The following CADM2 variants were observed in gnomAD, a reference collection of about 807,000 sequenced individuals.
The protein encoded by CADM2 is immunoglobulin superfamily member 4D.
A neutral mutation model predicts 49.8 loss-of-function variants in CADM2; 12 were observed. The observed-to-expected ratio is 0.24, with a 90% CI of 0.15 to 0.39. The LOEUF is 0.39. CADM2 is among the 10% of genes least tolerant of loss of function. CADM2 has a pLI of 1.00. For missense variants in CADM2, 378 were observed against 492.3 expected (o/e 0.77, Z 2.20); for synonymous variants, 214 against 175.4 (o/e 1.22, Z -1.74).
chr3:85,892,576 T>C (rs1714607044), intron 5 of CADM2, among the ~76,000 whole-genome samples: 1 of 152,166 alleles, frequency 6.6e-6, no homozygotes, highest in Non-Finnish European at 1.5e-5. Context: ...ACACGCTCTC[T>C]TGCCTGCCAC....
intron 1 of CADM2, among the ~76,000 whole-genome samples, chr3:85,395,322 G>T (rs201643451): frequency 7.3e-6 from 1 of 137,672 alleles, no homozygotes; most frequent in Non-Finnish European, 1.6e-5. Flanking sequence ...AAAAAGGAAA[G>T]AAAAAGAAGG....
chr3:85,904,063 C>A (rs1393191506), intron 5 of CADM2, among the ~76,000 whole-genome samples: 2 of 152,122 alleles, frequency 1.3e-5, no homozygotes, highest in African/African-American at 4.8e-5. Flanking sequence ...TACTTGCTTT[C>A]TTCCAAAGTC....
chr3:85,487,763 TGTGTGCGTGC>T (rs2039490848), intron 1 of CADM2, among the ~76,000 whole-genome samples: 1 of 151,662 alleles, frequency 6.6e-6, no homozygotes, highest in Admixed American at 6.6e-5. Flanking sequence ...TGTGCGTGTG[TGTGTGCGTGC>T]GTGTGTGTGT....
chr3:85,961,486 G>T lies in CADM2; in HGVS notation c.809G>T (p.Trp270Leu). 1 of 1,601,576 alleles carries T rather than the reference G, an allele frequency of 6.2e-7. No individual in the cohort carries two copies. Among genetic ancestry groups the T allele is most frequent in the Non-Finnish European group, 8.5e-7 (1 of 1,171,134 alleles). Reference protein sequence around the residue: ...KGKPLPEPVLWTKDGGELPDP... With the variant: ...KGKPLPEPVLLTKDGGELPDP... ...TCCAATAGGCCAGAACCTGTTTTGTGGACAAAGGATGGCGGAGAATTACCA... is the reference window on the plus strand; with the variant it reads ...TCCAATAGGCCAGAACCTGTTTTGTTGACAAAGGATGGCGGAGAATTACCA... Residue 270 changes from tryptophan to leucine, a missense_variant, in exon 8 of 10, where the codon TGG (tryptophan) becomes TTG (leucine). Coordinates refer to ENST00000383699, the MANE Select transcript of CADM2 (RefSeq NM_001167675.2).
At chr3:85,471,660 G>A (rs189413975) in intron 1 of CADM2, among the ~76,000 whole-genome samples, 23 of 143,182 alleles carry the variant, frequency 1.6e-4, no homozygotes, top group Non-Finnish European at 1.4e-4. Context: ...ATCTAACTGC[G>A]TTTGTTTTTC....
At chr3:84,992,573 G>C (rs1375268002) in intron 1 of CADM2, among the ~76,000 whole-genome samples, 1 of 152,066 alleles carries the variant, frequency 6.6e-6, no homozygotes, top group Non-Finnish European at 1.5e-5. Context: ...AGGTTGCAGT[G>C]AGCCGAGATC....
chr3:85,076,919 A>C (rs13074075), intron 1 of CADM2, among the ~76,000 whole-genome samples: 57,194 of 151,966 alleles, frequency 0.38, 13,589 homozygotes, highest in Non-Finnish European at 0.54. Flanking sequence ...TTGCAGTGAG[A>C]CAAGATTGTG....
intron 3 of CADM2, among the ~76,000 whole-genome samples, chr3:85,877,367 G>A (rs770591408): frequency 3.3e-5 from 5 of 151,876 alleles, no homozygotes; most frequent in Non-Finnish European, 7.4e-5. Flanking sequence ...TTTATATTCT[G>A]TGTCCTCAAA....
chr3:85,355,401 G>C (rs565146052), intron 1 of CADM2, among the ~76,000 whole-genome samples: 3 of 152,070 alleles, frequency 2.0e-5, no homozygotes, highest in Non-Finnish European at 4.4e-5. Flanking sequence ...GGTTACTCTA[G>C]GTCCCCTTGG....
chr3:85,488,540 G>A (rs1481257429), intron 1 of CADM2, among the ~76,000 whole-genome samples: 1 of 151,744 alleles, frequency 6.6e-6, no homozygotes, highest in African/African-American at 2.4e-5. Context: ...GTTTTGTTTT[G>A]TTTTTGTTTT....
intron 1 of CADM2, among the ~76,000 whole-genome samples, chr3:85,549,866 G>C (rs1165134939): frequency 6.6e-6 from 1 of 150,532 alleles, no homozygotes; most frequent in Non-Finnish European, 1.5e-5. Flanking sequence ...TCCTGGCCAC[G>C]AGTGATTTGC....
At chr3:85,436,146 T>C (rs1018457594) in intron 1 of CADM2, among the ~76,000 whole-genome samples, 2 of 152,164 alleles carry the variant, frequency 1.3e-5, no homozygotes, top group African/African-American at 4.8e-5. Flanking sequence ...ACATCCCTTG[T>C]AAGTTGGATT....
intron 1 of CADM2, among the ~76,000 whole-genome samples, chr3:85,277,872 C>T (rs1037153227): frequency 2.6e-5 from 4 of 151,322 alleles, no homozygotes; most frequent in Non-Finnish European, 4.4e-5. Context: ...ACAAATAACT[C>T]TGAATCTAAA....
chr3:85,826,146 A>G (rs2073897846), intron 3 of CADM2, among the ~76,000 whole-genome samples: 1 of 152,028 alleles, frequency 6.6e-6, no homozygotes, highest in Non-Finnish European at 1.5e-5. Flanking sequence ...AATTTTTAAA[A>G]CAACTTTATC....
intron 1 of CADM2, among the ~76,000 whole-genome samples, chr3:85,174,366 C>T (rs371183459): frequency 4.0e-5 from 6 of 151,880 alleles, no homozygotes; most frequent in South Asian, 2.1e-4. Context: ...TGCTTTTTAG[C>T]GAAAAACCCC....
chr3:85,986,768 A>G (rs1385742109), intron 8 of CADM2, among the ~76,000 whole-genome samples: 2 of 152,134 alleles, frequency 1.3e-5, no homozygotes, highest in East Asian at 3.9e-4. Context: ...TTAAGGAACA[A>G]GCACCATATA....
At chr3:85,836,117 G>A (rs1453738004) in intron 3 of CADM2, among the ~76,000 whole-genome samples, 2 of 151,552 alleles carry the variant, frequency 1.3e-5, no homozygotes, top group Non-Finnish European at 3.0e-5. Context: ...TGTAACAAAG[G>A]GACTAAAGCA....
intron 1 of CADM2, among the ~76,000 whole-genome samples, chr3:85,027,074 T>G (rs1018713500): frequency 1.3e-5 from 2 of 150,778 alleles, no homozygotes; most frequent in South Asian, 2.1e-4. Context: ...CACTATTTTT[T>G]TTGTTGTTGT....
chr3:86,042,486 G>A (rs1475602331), intron 8 of CADM2, among the ~76,000 whole-genome samples: 1 of 152,104 alleles, frequency 6.6e-6, no homozygotes, highest in Non-Finnish European at 1.5e-5. Flanking sequence ...TAGAAGAAAT[G>A]GATAAATTCC....
Sources: gnomAD v4.1 joint callset for allele counts (sites outside exome capture counted in the v4.1 genomes callset) on GRCh38, gnomAD v4.1.1 for gene constraint, MANE v1.5 for transcripts, NCBI Gene and HGNC (gene_info 2026-07-23, HGNC 2026-07-21) for gene names.